The following CLNK variants were observed in gnomAD, a reference collection of about 807,000 sequenced individuals.
CLNK encodes the protein cytokine dependent hematopoietic cell linker.
In CLNK, 74 loss-of-function variants were observed where a neutral mutation model predicts 68.6. The ratio of observed to expected loss-of-function variants is 1.08; its 90% CI spans 0.89 to 1.31. The LOEUF is 1.31. Ranked by LOEUF, CLNK falls within the 50% of genes most tolerant of loss-of-function variation. The pLI, the probability that CLNK is intolerant of heterozygous loss-of-function variation, is 0.00. For missense variants in CLNK, 553 were observed against 515.3 expected (o/e 1.07, Z -0.71); for synonymous variants, 198 against 172.2 (o/e 1.15, Z -1.17).
At chr4:10,554,358 A>C (rs571283561) in intron 8 of CLNK, among the ~76,000 whole-genome samples, 11 of 152,338 alleles carry the variant, frequency 7.2e-5, no homozygotes, top group African/African-American at 2.6e-4. Flanking sequence ...GGGGAACTGA[A>C]ACTTCATTAG....
chr4:10,692,706 T>C, the CLNK span, among the ~76,000 whole-genome samples: 1 of 152,208 alleles, frequency 6.6e-6, no homozygotes, highest in Non-Finnish European at 1.5e-5. Context: ...ATGTAGAATA[T>C]TCTCAGCCAC....
chr4:10,587,872 G>A (rs578097626), intron 3 of CLNK, among the ~76,000 whole-genome samples: 12 of 152,284 alleles, frequency 7.9e-5, no homozygotes, highest in East Asian at 1.9e-4. Flanking sequence ...AGGAGGCACC[G>A]TGCAGCTGCG....
At chr4:10,629,921 G>T (rs147379914) in intron 2 of CLNK, among the ~76,000 whole-genome samples, 1 of 152,034 alleles carries the variant, frequency 6.6e-6, no homozygotes, top group African/African-American at 2.4e-5. Flanking sequence ...ATAAATCTTT[G>T]AAAACGAAAA....
intron 3 of CLNK, among the ~76,000 whole-genome samples, chr4:10,590,909 T>A (rs1020304009): frequency 5.3e-5 from 8 of 152,128 alleles, no homozygotes; most frequent in Admixed American, 3.3e-4. Flanking sequence ...TTGTAAAATA[T>A]CACTAGTGCC....
chr4:10,617,473 T>A (rs960959532), intron 2 of CLNK, among the ~76,000 whole-genome samples: 2 of 152,206 alleles, frequency 1.3e-5, no homozygotes, highest in African/African-American at 4.8e-5. Context: ...AGGTATGGAT[T>A]TCTCACCAGT....
chr4:10,613,698 C>T (rs191254655), intron 2 of CLNK, among the ~76,000 whole-genome samples: 131 of 152,294 alleles, frequency 8.6e-4, no homozygotes, highest in Non-Finnish European at 1.5e-3. Flanking sequence ...GCCACAACCC[C>T]AGCAGGAGAT....
chr4:10,631,228 A>T (rs769905955), intron 2 of CLNK, among the ~76,000 whole-genome samples: 1 of 152,210 alleles, frequency 6.6e-6, no homozygotes, highest in Non-Finnish European at 1.5e-5. Flanking sequence ...TGCCCAGAGC[A>T]TATTGATTGA....
At chr4:10,516,236 A>C (rs1320041661) in intron 15 of CLNK, among the ~76,000 whole-genome samples, 1 of 152,230 alleles carries the variant, frequency 6.6e-6, no homozygotes, top group Non-Finnish European at 1.5e-5. Flanking sequence ...CAAAAATAAC[A>C]TGAAATGGAA....
intron 2 of CLNK, among the ~76,000 whole-genome samples, chr4:10,616,059 A>G (rs962664735): frequency 6.6e-6 from 1 of 152,238 alleles, no homozygotes; most frequent in African/African-American, 2.4e-5. Context: ...AATTGACAAA[A>G]TTAGACTAAA....
chr4:10,571,849 CT>C, intron 4 of CLNK, 71 bp from the exon 5 acceptor site: 1 of 1,190,032 alleles, frequency 8.4e-7, no homozygotes, highest in Non-Finnish European at 1.2e-6. Context: ...AGACTGGGCC[CT>C]TGTTTTTCTC....
At chr4:10,544,007 A>T (rs1719132552) in intron 8 of CLNK, among the ~76,000 whole-genome samples, 1 of 152,228 alleles carries the variant, frequency 6.6e-6, no homozygotes, top group Non-Finnish European at 1.5e-5. Context: ...ATTATAAAAC[A>T]TAAAATTAAT....
At chr4:10,496,872 G>A (rs1369798663) in intron 18 of CLNK, among the ~76,000 whole-genome samples, 1 of 152,190 alleles carries the variant, frequency 6.6e-6, no homozygotes, top group Non-Finnish European at 1.5e-5. Context: ...TATTTAAACC[G>A]CAGAAAATTC....
chr4:10,644,442 A>G (rs2108877929), intron 2 of CLNK, among the ~76,000 whole-genome samples: 1 of 152,288 alleles, frequency 6.6e-6, no homozygotes, highest in East Asian at 1.9e-4. Flanking sequence ...TATTATCTCC[A>G]TTTTATAGAT....
chr4:10,513,299 A>T (rs1717679310), intron 16 of CLNK, among the ~76,000 whole-genome samples, 165 bp downstream of exon 16: 1 of 152,254 alleles, frequency 6.6e-6, no homozygotes, highest in Non-Finnish European at 1.5e-5. Flanking sequence ...CAACATATTT[A>T]AAAATATTAA....
chr4:10,583,181 T>C (rs940431978), intron 4 of CLNK, among the ~76,000 whole-genome samples: 1 of 152,250 alleles, frequency 6.6e-6, no homozygotes, highest in Non-Finnish European at 1.5e-5. Flanking sequence ...TCAGGTCTGC[T>C]ATTCTTTGGT....
intron 2 of CLNK, among the ~76,000 whole-genome samples, chr4:10,608,291 A>G (rs1721863203): frequency 6.6e-6 from 1 of 152,230 alleles, no homozygotes; most frequent in Admixed American, 6.5e-5. Flanking sequence ...GAAATACAGC[A>G]ACTTGAGATG....
intron 8 of CLNK, among the ~76,000 whole-genome samples, chr4:10,556,199 T>G (rs1719667268): frequency 2.0e-5 from 3 of 152,236 alleles, no homozygotes; most frequent in Admixed American, 1.3e-4. Context: ...TTTCTTGCTG[T>G]CTCTGAGGAA....
the CLNK span, among the ~76,000 whole-genome samples, chr4:10,718,599 C>CA: frequency 8.1e-4 from 120 of 147,500 alleles, no homozygotes; most frequent in African/African-American, 2.3e-3. Flanking sequence ...TAAAGAAAAA[C>CA]AAAAAAAAAA....
At chr4:10,540,690 C>A in intron 10 of CLNK, 86 bp from the exon 11 acceptor site, 1 of 890,826 alleles carries the variant, frequency 1.1e-6, no homozygotes, top group Non-Finnish European at 1.8e-6. Context: ...CTCTGCCCTC[C>A]GTGTCCCCAG....
Sources: allele counts gnomAD v4.1 joint callset (sites outside exome capture counted in the v4.1 genomes callset), GRCh38; gene constraint gnomAD v4.1.1; transcripts MANE v1.5; gene names NCBI Gene and HGNC (gene_info 2026-07-23, HGNC 2026-07-21).